The following DIAPH3 variants were observed in gnomAD, a reference collection of about 807,000 sequenced individuals.
DIAPH3 encodes diaphanous related formin 3, also known as protein diaphanous homolog 3.
In DIAPH3, 117 loss-of-function variants were observed where a neutral mutation model predicts 144.3. The observed-to-expected ratio is 0.81, with a 90% CI of 0.70 to 0.95. DIAPH3 has a LOEUF of 0.95. Ranked by LOEUF, DIAPH3 falls within the 40% of genes least tolerant of loss-of-function variation. The probability of loss-of-function intolerance (pLI) is 0.00; values close to 1 mark genes in which losing one functional copy is unlikely to be tolerated. For missense variants in DIAPH3, 1,421 were observed against 1,412.7 expected, an observed-to-expected ratio of 1.01 and a Z score of -0.09; for synonymous variants, 519 against 488.9, an observed-to-expected ratio of 1.06 and a Z score of -0.81.
chr13:60,026,088 T>C (rs898674478), intron 5 of DIAPH3, among the ~76,000 whole-genome samples: 4 of 152,146 alleles, frequency 2.6e-5, no homozygotes, highest in Non-Finnish European at 4.4e-5. Flanking sequence ...TGTGTAGCTA[T>C]ACAAACATTC....
chr13:59,787,485 G>C (rs527813187), intron 25 of DIAPH3, among the ~76,000 whole-genome samples: 29 of 152,308 alleles, frequency 1.9e-4, no homozygotes, highest in South Asian at 1.0e-3. Flanking sequence ...TGAGGCCAAG[G>C]AGAGAGAATC....
intron 22 of DIAPH3, among the ~76,000 whole-genome samples, chr13:59,856,807 A>G (rs185465069): frequency 6.6e-6 from 1 of 152,094 alleles, no homozygotes; most frequent in African/African-American, 2.4e-5. Context: ...AACATCCCAC[A>G]TGGTTGTCTT....
In DIAPH3 at chr13:59,769,671, TCC is replaced by T. The variant is rs1312403926; in HGVS notation, c.3319+4516_3319+4517del. 1.9e-3 allele frequency among the ~76,000 whole-genome samples: 295 copies of T among 152,040 alleles called. 5 individuals carry two copies. In the East Asian group the frequency reaches 0.024, roughly 12 times the overall value. ...CCCTCCCTCTCACTTACACTTTAGTTCCATACTAACTATGGGGACCTGTCATT... is the reference window on the plus strand; with the variant it reads ...CCCTCCCTCTCACTTACACTTTAGTTATACTAACTATGGGGACCTGTCATT... On this transcript the variant is annotated intron_variant, in intron 27 of 27. Coordinates refer to ENST00000400324, the MANE Select transcript of DIAPH3 (RefSeq NM_001042517.2).
rs569736712 is a variant in DIAPH3 at position 59,909,046 on chromosome 13, G to T, written c.2367+2689C>A. The stretch of plus-strand genomic sequence containing the variant: ...GAAGTAAACATGTTTTTAAGGCAAG[G>T]ATGTCTTGTAGAAATCTGGAGTTTA... On this transcript the variant is annotated intron_variant, in intron 20 of 27. Transcript: ENST00000400324. 1.9e-4 allele frequency among the ~76,000 whole-genome samples: 29 copies of T among 152,202 alleles called. No individual in the cohort carries two copies. In the South Asian group the frequency reaches 2.9e-3, roughly 15 times the overall value.
intron 27 of DIAPH3, among the ~76,000 whole-genome samples, chr13:59,693,752 C>A (rs1185011870): frequency 2.6e-5 from 4 of 152,060 alleles, no homozygotes; most frequent in African/African-American, 9.7e-5. Context: ...ATTTGAGTTT[C>A]TTACTTGCAG....
chr13:60,105,099 C>CAAAAAAAAAAAAAAAAAAAAAAAAA (rs60853102), intron 3 of DIAPH3, among the ~76,000 whole-genome samples: 3 of 41,826 alleles, frequency 7.2e-5, no homozygotes, highest in Non-Finnish European at 1.3e-4. Flanking sequence ...GACACGATCT[C>CAAAAAAAAAAAAAAAAAAAAAAAAA]AAAAAAAAAA....
At chr13:59,983,721 T>C (rs767697566) in intron 13 of DIAPH3, 48 bp downstream of exon 13, 11 of 1,298,498 alleles carry the variant, frequency 8.5e-6, no homozygotes, top group East Asian at 7.0e-5. Flanking sequence ...AGCTCATTCA[T>C]AGAATAAGAG....
intron 4 of DIAPH3, among the ~76,000 whole-genome samples, chr13:60,086,216 A>C (rs1046249309): frequency 7.9e-5 from 12 of 152,158 alleles, no homozygotes; most frequent in African/African-American, 2.9e-4. Flanking sequence ...CTCCTACCTA[A>C]ACAAAAACAC....
chr13:60,156,935 ATATATTTTTTTTTT>A (rs1290064006), intron 1 of DIAPH3, among the ~76,000 whole-genome samples: 7 of 52,458 alleles, frequency 1.3e-4, no homozygotes, highest in Admixed American at 5.2e-4. Context: ...ATATATATAT[ATATATTTTTTTTTT>A]TTTTTTTTTT....
At position 60,016,238 on chromosome 13, in the gene DIAPH3, T is replaced by C. The variant is rs189695109; in HGVS notation, c.627-93A>G. The C allele has an allele frequency of 3.4e-5, 39 of 1,132,340 alleles. No homozygotes were observed. The Admixed American group carries it at 4.4e-4, about 13-fold the overall frequency. 70.1% of individuals were successfully genotyped at this position (1,132,340 alleles called of 1,614,324 possible). On this transcript the variant is annotated intron_variant, in intron 5 of 27. Transcript: ENST00000400324. Reference sequence around the variant, plus strand: ...TACAAGTATTTTATATTTGCTATATTCCTAATCGTAACTAAAACATAAGAA... The same window carrying C: ...TACAAGTATTTTATATTTGCTATATCCCTAATCGTAACTAAAACATAAGAA...
At chr13:60,128,065 A>C (rs1250820684) in intron 2 of DIAPH3, among the ~76,000 whole-genome samples, 2 of 151,968 alleles carry the variant, frequency 1.3e-5, no homozygotes, top group African/African-American at 2.4e-5. Flanking sequence ...CCTCCCACCC[A>C]TCACCCTCAA....
intron 18 of DIAPH3, among the ~76,000 whole-genome samples, chr13:59,918,658 C>T (rs1274934033): frequency 6.6e-6 from 1 of 152,250 alleles, no homozygotes; most frequent in African/African-American, 2.4e-5. Flanking sequence ...GCACCAACAA[C>T]AGCAACCCAT....
chr13:59,709,679 C>T lies in DIAPH3; in HGVS notation c.3320-42833G>A, dbSNP rs188276482. Among the ~76,000 whole-genome samples, 281 of 152,322 alleles carry T rather than the reference C, an allele frequency of 1.8e-3. 1 individual carries two copies. Among genetic ancestry groups the T allele is most frequent in the Admixed American group, 9.1e-3 (139 of 15,296 alleles). ...AAACTAGTTCAACCGTTGTGGAAGG[C>T]AGTGTGGCGATTCCTCAGGGATCTA... On this transcript the variant is annotated intron_variant, in intron 27 of 27. Transcript: ENST00000400324.
At chr13:59,911,060 C>A (rs1350912554) in intron 20 of DIAPH3, among the ~76,000 whole-genome samples, 2 of 151,728 alleles carry the variant, frequency 1.3e-5, no homozygotes, top group Non-Finnish European at 2.9e-5. Context: ...ATTAGAGAAA[C>A]AACACTATAG....
intron 4 of DIAPH3, among the ~76,000 whole-genome samples, chr13:60,046,134 C>A (rs1048438746): frequency 1.3e-5 from 2 of 152,140 alleles, no homozygotes; most frequent in African/African-American, 4.8e-5. Flanking sequence ...CTCAATTGAA[C>A]CAAAAGATGC....
rs145056708 is a variant in DIAPH3 at position 60,107,262 on chromosome 13, C to A, written c.390+4748G>T. On this transcript the variant is annotated intron_variant, in intron 3 of 27. Transcript: ENST00000400324. ...CCGTATAACTGTATTCTTATACAGA[C>A]AGAAAAAAAAAAGGAAAGTTTCTTC... Among the ~76,000 whole-genome samples, 245 of 146,482 alleles carry A rather than the reference C, an allele frequency of 1.7e-3. 3 individuals carry two copies. Among genetic ancestry groups the A allele is most frequent in the Non-Finnish European group, 2.5e-3 (168 of 66,560 alleles).
At chr13:59,671,645 T>C (rs1266003031) in intron 27 of DIAPH3, among the ~76,000 whole-genome samples, 1 of 152,220 alleles carries the variant, frequency 6.6e-6, no homozygotes, top group African/African-American at 2.4e-5. Context: ...GAAAATGCAA[T>C]CCACACATCT....
intron 27 of DIAPH3, among the ~76,000 whole-genome samples, chr13:59,733,636 T>A (rs1239062663): frequency 3.3e-5 from 5 of 152,246 alleles, no homozygotes; most frequent in Admixed American, 2.6e-4. Context: ...CCCTTTAGGT[T>A]TCTGATATAT....
intron 27 of DIAPH3, among the ~76,000 whole-genome samples, chr13:59,698,107 A>C (rs1682797082): frequency 6.6e-6 from 1 of 152,210 alleles, no homozygotes; most frequent in Non-Finnish European, 1.5e-5. Flanking sequence ...AAACTAAAGA[A>C]TGCTTATTGT....
Sources: allele counts gnomAD v4.1 joint callset (sites outside exome capture counted in the v4.1 genomes callset), GRCh38; gene constraint gnomAD v4.1.1; transcripts MANE v1.5; gene names NCBI Gene and HGNC (gene_info 2026-07-23, HGNC 2026-07-21).